The following PTPRG variants were observed in gnomAD, a reference collection of about 807,000 sequenced individuals.
PTPRG encodes the protein protein tyrosine phosphatase receptor type G, also known as receptor-type tyrosine-protein phosphatase gamma.
Under a neutral mutation model 165.3 loss-of-function variants are expected in PTPRG, and 102 were observed. The ratio of observed to expected loss-of-function variants is 0.62; its 90% confidence interval spans 0.53 to 0.73. The LOEUF (loss-of-function observed/expected upper bound fraction) is 0.73, where lower values mean the gene tolerates loss of function less well. Among genes scored for constraint, PTPRG ranks in the 30% least tolerant of loss-of-function variants. The pLI, the probability that PTPRG is intolerant of heterozygous loss-of-function variation, is 0.00. For synonymous variants in PTPRG, 675 were observed against 669.5 expected (o/e 1.01, Z -0.13); for missense variants, 1,866 against 1,861.4 (o/e 1.00, Z -0.05).
chr3:61,562,579 C>A (rs541437997), intron 1 of PTPRG, among the ~76,000 whole-genome samples: 130 of 145,700 alleles, frequency 8.9e-4, no homozygotes, highest in African/African-American at 3.2e-3. Context: ...AAGGTGGAGG[C>A]AGGGGCTGGC....
intron 2 of PTPRG, among the ~76,000 whole-genome samples, chr3:61,955,899 C>T (rs73842165): frequency 6.0e-4 from 91 of 152,140 alleles, no homozygotes; most frequent in African/African-American, 2.1e-3. Context: ...GGAGTGTCAA[C>T]AGAAATCTTA....
chr3:62,081,660 T>A (rs958217675), intron 5 of PTPRG, among the ~76,000 whole-genome samples: 1 of 152,232 alleles, frequency 6.6e-6, no homozygotes, highest in African/African-American at 2.4e-5. Flanking sequence ...GTCTTTCTTG[T>A]AAGCACACAC....
Position 62,254,334 on chromosome 3 carries a change from A to G in PTPRG, c.2468-790A>G, listed in dbSNP as rs1701485924. On this transcript the variant is annotated intron_variant, in intron 15 of 29. Transcript: ENST00000474889. The surrounding 1 kb of genome is among the most constrained non-coding windows in gnomAD (Gnocchi z 4.6). ...GGAGAAGGGAAGAAGGAGGTTGGGG[A>G]GCTCCAGTTAGTTGGGTGTGGCTAT... Among the ~76,000 whole-genome samples, 1 of 152,120 alleles carries G rather than the reference A, an allele frequency of 6.6e-6. No homozygotes were observed. The highest frequency in any genetic ancestry group is 6.6e-5 in the Admixed American group (1 of 15,266).
chr3:62,124,518 C>G (rs1316990936), intron 5 of PTPRG: 1 of 1,566,418 alleles, frequency 6.4e-7, no homozygotes, highest in African/African-American at 1.4e-5. Context: ...CTCATCAGGT[C>G]ATCCACCGGG....
intron 2 of PTPRG, among the ~76,000 whole-genome samples, chr3:61,763,614 A>C (rs182288267): frequency 5.3e-5 from 8 of 150,702 alleles, no homozygotes; most frequent in Non-Finnish European, 1.2e-4. Flanking sequence ...CAGGTGATCC[A>C]CCCGCCTCAG....
chr3:61,817,822 AAGAT>A (rs1194880743), intron 2 of PTPRG, among the ~76,000 whole-genome samples: 1 of 152,218 alleles, frequency 6.6e-6, no homozygotes, highest in East Asian at 1.9e-4. Context: ...GCAGTGGAGC[AAGAT>A]GTGGTGATTT....
chr3:61,749,594 C>G (rs2033351298), intron 2 of PTPRG: 1 of 154,558 alleles, frequency 6.5e-6, no homozygotes, highest in Non-Finnish European at 1.4e-5. Context: ...TTTAAGGGGA[C>G]AAAAATGAAG....
At chr3:61,988,583 G>GT (rs1375024880) in intron 2 of PTPRG, among the ~76,000 whole-genome samples, 7 of 152,190 alleles carry the variant, frequency 4.6e-5, no homozygotes, top group African/African-American at 1.7e-4. Context: ...CCATCTACCA[G>GT]TATTTCTGTA....
intron 2 of PTPRG, among the ~76,000 whole-genome samples, chr3:61,904,547 T>C (rs1237590102): frequency 1.3e-5 from 2 of 152,176 alleles, no homozygotes; most frequent in Non-Finnish European, 2.9e-5. Context: ...ATTTACAGGA[T>C]TTAAAACCTT....
chr3:61,995,382 G>T (rs773473495), intron 3 of PTPRG, among the ~76,000 whole-genome samples: 1 of 151,986 alleles, frequency 6.6e-6, no homozygotes, highest in South Asian at 2.1e-4. Flanking sequence ...GAGCCACTGC[G>T]CCTGGCTCAT....
At chr3:61,844,961 G>A (rs994095935) in intron 2 of PTPRG, among the ~76,000 whole-genome samples, 7 of 152,198 alleles carry the variant, frequency 4.6e-5, no homozygotes, top group Non-Finnish European at 1.0e-4. Context: ...ACTAGGGCAA[G>A]GCTATATCTG....
intron 2 of PTPRG, among the ~76,000 whole-genome samples, chr3:61,806,321 C>A (rs2035415808): frequency 6.6e-6 from 1 of 152,126 alleles, no homozygotes; most frequent in African/African-American, 2.4e-5. Context: ...TCTAAAGTTA[C>A]AGAATCTGTA....
At chr3:61,680,280 C>A (rs912409922) in intron 1 of PTPRG, among the ~76,000 whole-genome samples, 1 of 151,790 alleles carries the variant, frequency 6.6e-6, no homozygotes, top group Non-Finnish European at 1.5e-5. Flanking sequence ...AGATGGCTGG[C>A]GGTAAGGAAA....
Position 62,168,070 on chromosome 3 carries a change from G to A in PTPRG, c.940G>A (p.Asp314Asn), listed in dbSNP as rs1285954023. 6.2e-7 allele frequency: 1 copy of A among 1,613,964 alleles called. No homozygotes were observed. Among genetic ancestry groups the A allele is most frequent in the Admixed American group, 1.7e-5 (1 of 59,996 alleles). ...CTTTCGACCACAGCAGCGTCTGCAT[G>A]ACAGGGTGGTGTCCAAGTCCGCCGT... ...NNFRPQQRLH[D>N]RVVSKSAVRD... Residue 314 changes from aspartate (D) to asparagine (N), a missense_variant, in exon 8 of 30, where the codon GAC becomes AAC. Asp to Asn is a conservative substitution (Grantham distance 23). This residue lies in a region of PTPRG where 1,452 missense variants were observed against 1,463.0 expected (regional missense o/e 0.99). Transcript: ENST00000474889.
chr3:62,130,513 A>C (rs9883985), intron 5 of PTPRG, among the ~76,000 whole-genome samples: 3,544 of 152,266 alleles, frequency 0.023, 76 homozygotes, highest in African/African-American at 0.061. Context: ...TTTCTCACAG[A>C]TATTAGAGTA....
At chr3:61,607,360 C>CAG (rs1486825183) in intron 1 of PTPRG, among the ~76,000 whole-genome samples, 1 of 152,102 alleles carries the variant, frequency 6.6e-6, no homozygotes, top group Non-Finnish European at 1.5e-5. Context: ...GAGAAAATGC[C>CAG]ATATGAATTC....
intron 1 of PTPRG, among the ~76,000 whole-genome samples, chr3:61,698,840 T>TA (rs1297609690): frequency 1.3e-5 from 2 of 152,126 alleles, no homozygotes; most frequent in African/African-American, 4.8e-5. Flanking sequence ...TATGCAGCCA[T>TA]AAAAAATGAT....
intron 1 of PTPRG, among the ~76,000 whole-genome samples, chr3:61,703,116 C>G (rs1025130538): frequency 6.6e-6 from 1 of 152,034 alleles, no homozygotes; most frequent in East Asian, 1.9e-4. Context: ...AATTTTAAAG[C>G]CTGTATTTCT....
At chr3:61,703,374 A>G (rs1575599115) in intron 1 of PTPRG, among the ~76,000 whole-genome samples, 1 of 152,356 alleles carries the variant, frequency 6.6e-6, no homozygotes. Flanking sequence ...CAGTAATGTC[A>G]AATTTCATAA....
Sources: allele counts gnomAD v4.1 joint callset (sites outside exome capture counted in the v4.1 genomes callset), GRCh38; gene constraint gnomAD v4.1.1; regional missense constraint gnomAD v4.1.1; non-coding constraint Gnocchi (gnomAD v3.1); transcripts MANE v1.5; gene names NCBI Gene and HGNC (gene_info 2026-07-23, HGNC 2026-07-21).